ZMYM2: variants seen among roughly 807,000 people sequenced by gnomAD.
The protein encoded by ZMYM2 is zinc finger MYM-type containing 2, also known as zinc finger MYM-type protein 2.
In ZMYM2, 56 loss-of-function variants were observed where a neutral mutation model predicts 162.8. The ratio of observed to expected loss-of-function variants is 0.34; its 90% CI spans 0.28 to 0.43. The LOEUF (loss-of-function observed/expected upper bound fraction) is 0.43. Among genes scored for constraint, ZMYM2 ranks in the 20% least tolerant of loss-of-function variants. ZMYM2 has a pLI of 1.00. For synonymous variants in ZMYM2, 510 were observed against 541.6 expected, an observed-to-expected ratio of 0.94 and a Z score of 0.81; for missense variants, 1,275 against 1,621.8, an observed-to-expected ratio of 0.79 and a Z score of 3.67.
At chr13:20,057,683 ATT>A (rs1457148673) in intron 14 of ZMYM2, among the ~76,000 whole-genome samples, 4 of 152,194 alleles carry the variant, frequency 2.6e-5, no homozygotes, top group African/African-American at 9.7e-5. Flanking sequence ...CTAATGAAAT[ATT>A]GTTTTATTAT....
At chr13:20,035,981 A>G (rs1953656215) in intron 11 of ZMYM2, among the ~76,000 whole-genome samples, 1 of 152,156 alleles carries the variant, frequency 6.6e-6, no homozygotes, top group African/African-American at 2.4e-5. Context: ...GTTTGCAGAC[A>G]GGAAATGTCA....
At chr13:19,944,949 G>A in the ZMYM2 span, among the ~76,000 whole-genome samples, 1 of 152,172 alleles carries the variant, frequency 6.6e-6, no homozygotes. Context: ...GGGATTACAG[G>A]TGTGAACCAC....
At chr13:19,941,901 C>T in the ZMYM2 span, among the ~76,000 whole-genome samples, 1 of 151,490 alleles carries the variant, frequency 6.6e-6, no homozygotes, top group Middle Eastern at 3.2e-3. Flanking sequence ...TGTGTGCCAC[C>T]ACACCTGGCT....
At chr13:20,034,001 A>G (rs369911331) in intron 10 of ZMYM2, among the ~76,000 whole-genome samples, 191 of 152,200 alleles carry the variant, frequency 1.3e-3, no homozygotes, top group African/African-American at 4.4e-3. Flanking sequence ...ACACCAGTCT[A>G]TCATCTTATT....
At chr13:20,019,451 A>C in intron 6 of ZMYM2, 96 bp from the exon 7 acceptor site, 1 of 1,096,652 alleles carries the variant, frequency 9.1e-7, no homozygotes, top group Non-Finnish European at 1.3e-6. Context: ...CACAAAATAT[A>C]ATTGAGAAGC....
the ZMYM2 span, among the ~76,000 whole-genome samples, chr13:19,910,653 C>G: frequency 6.6e-6 from 1 of 151,856 alleles, no homozygotes; most frequent in Non-Finnish European, 1.5e-5. Context: ...TAGGACACAC[C>G]TTTCATCATG....
At chr13:19,902,803 A>G in the ZMYM2 span, among the ~76,000 whole-genome samples, 2 of 152,078 alleles carry the variant, frequency 1.3e-5, no homozygotes, top group African/African-American at 2.4e-5. Context: ...CCTTGAATCC[A>G]TGAGTTTGAG....
chr13:19,971,262 ATTTTTTTTTTT>A (rs67460005), intron 2 of ZMYM2, among the ~76,000 whole-genome samples: 4 of 78,330 alleles, frequency 5.1e-5, no homozygotes, highest in African/African-American at 1.9e-4. Context: ...ATATATATAT[ATTTTTTTTTTT>A]TTTTTTTTTT....
At chr13:20,067,169 G>T in intron 20 of ZMYM2, 70 bp from the exon 21 acceptor site, 3 of 1,421,728 alleles carry the variant, frequency 2.1e-6, no homozygotes, top group Non-Finnish European at 2.8e-6. Flanking sequence ...AAAGAATAAC[G>T]TCAGAAAGTT....
chr13:19,929,372 G>A, the ZMYM2 span, among the ~76,000 whole-genome samples: 1 of 151,976 alleles, frequency 6.6e-6, no homozygotes, highest in African/African-American at 2.4e-5. Flanking sequence ...CCGAGTAGCT[G>A]GGACTACAGG....
rs1955986771 is a variant in ZMYM2 at position 20,058,566 on chromosome 13, T to C, written c.2494-9T>C. 1 of 1,603,622 alleles carries C rather than the reference T, an allele frequency of 6.2e-7. No homozygotes were observed. Among genetic ancestry groups the C allele is most frequent in the African/African-American group, 1.4e-5 (1 of 73,966 alleles). ...AAAAATAAAAATGTTTCTCTTTGCT[T>C]CTCCATAGGGTTCAGCACCACCCCC... On this transcript the variant is annotated splice_polypyrimidine_tract_variant and intron_variant, in intron 14 of 24. Transcript: ENST00000610343.
Position 20,087,681 on chromosome 13 carries a change from G to A in ZMYM2, c.*1667G>A, listed in dbSNP as rs1958350470. ...ATGTTTTGGCATAAAAAATTATAAT[G>A]TTCTAACTTGTTTTATAAGTTGAAT... is the stretch of plus-strand genomic sequence containing the variant. On this transcript the variant is annotated 3_prime_UTR_variant, in exon 25 of 25. Transcript: ENST00000610343. 2 of 184,710 alleles carry A rather than the reference G, an allele frequency of 1.1e-5. No individual in the cohort carries two copies. Among genetic ancestry groups the A allele is most frequent in the African/African-American group, 2.3e-5 (1 of 42,614 alleles). 11.4% of individuals were successfully genotyped at this position (184,710 alleles called of 1,614,324 possible).
At chr13:20,081,453 A>G (rs1467383960) in intron 21 of ZMYM2, among the ~76,000 whole-genome samples, 1 of 152,182 alleles carries the variant, frequency 6.6e-6, no homozygotes, top group African/African-American at 2.4e-5. Context: ...GTAAGTTACA[A>G]GATTCATAAA....
chr13:19,981,059 G>A (rs961841301), intron 2 of ZMYM2, among the ~76,000 whole-genome samples: 7 of 151,956 alleles, frequency 4.6e-5, no homozygotes, highest in African/African-American at 1.7e-4. Context: ...ATCACTTAGG[G>A]CCAGGAGTTC....
At chr13:20,033,449 T>C (rs1325496600) in intron 10 of ZMYM2, among the ~76,000 whole-genome samples, 1 of 152,174 alleles carries the variant, frequency 6.6e-6, no homozygotes, top group African/African-American at 2.4e-5. Context: ...CCTTCCTCCT[T>C]CTATAAATTA....
intron 16 of ZMYM2, 65 bp from the exon 17 acceptor site, chr13:20,060,988 T>C (rs928085748): frequency 6.7e-7 from 1 of 1,490,668 alleles, no homozygotes; most frequent in Admixed American, 2.1e-5. Context: ...TCAGAGTAAT[T>C]TTTAATTTGG....
At chr13:19,933,138 G>A in the ZMYM2 span, among the ~76,000 whole-genome samples, 2 of 151,986 alleles carry the variant, frequency 1.3e-5, no homozygotes, top group Admixed American at 6.6e-5. Flanking sequence ...TTATTTTAGA[G>A]GTGGGGTCTC....
the ZMYM2 span, among the ~76,000 whole-genome samples, chr13:19,898,888 A>G: frequency 6.6e-6 from 1 of 151,560 alleles, no homozygotes; most frequent in Non-Finnish European, 1.5e-5. Context: ...AGCCATGATC[A>G]CGCCACTGCT....
At chr13:20,051,381 G>C in intron 12 of ZMYM2, 52 bp from the exon 13 acceptor site, 2 of 1,583,396 alleles carry the variant, frequency 1.3e-6, no homozygotes, top group East Asian at 2.3e-5. Flanking sequence ...TAAACTTCTG[G>C]AAATCTTCAA....
Sources: gnomAD v4.1 joint callset for allele counts (sites outside exome capture counted in the v4.1 genomes callset) on GRCh38, gnomAD v4.1.1 for gene constraint, MANE v1.5 for transcripts, NCBI Gene and HGNC (gene_info 2026-07-23, HGNC 2026-07-21) for gene names.